The following ORC3 variants were observed in gnomAD, a reference collection of about 807,000 sequenced individuals.
ORC3 encodes the protein homolog of latheo, Drosophila.
A neutral mutation model predicts 100.7 loss-of-function variants in ORC3; 78 were observed. The observed-to-expected ratio is 0.77, with a 90% CI of 0.65 to 0.94. The LOEUF (loss-of-function observed/expected upper bound fraction) is 0.94, where lower values mean the gene tolerates loss of function less well. Among genes scored for constraint, ORC3 ranks in the 40% least tolerant of loss-of-function variants. ORC3 has a pLI of 0.00. For synonymous variants in ORC3, 295 were observed against 289.3 expected (o/e 1.02, Z -0.20); for missense variants, 789 against 823.9 (o/e 0.96, Z 0.52).
intron 16 of ORC3, among the ~76,000 whole-genome samples, chr6:87,660,142 A>C (rs796687684): frequency 6.6e-6 from 1 of 152,230 alleles, no homozygotes; most frequent in South Asian, 2.1e-4. Context: ...CTGAAATCAC[A>C]TCAGCCGTTT....
chr6:87,646,004 T>TTTTTTC (rs1554251608), intron 13 of ORC3, among the ~76,000 whole-genome samples: 1 of 149,728 alleles, frequency 6.7e-6, no homozygotes, highest in African/African-American at 2.5e-5. Context: ...TCTTTTTTTT[T>TTTTTTC]GAGGCGGAGT....
At chr6:87,592,008 G>C (rs1237071471) in intron 1 of ORC3, among the ~76,000 whole-genome samples, 2 of 152,184 alleles carry the variant, frequency 1.3e-5, no homozygotes, top group Non-Finnish European at 2.9e-5. Context: ...TAGGATTACA[G>C]GCGTGAGCCA....
At chr6:87,624,151 A>G (rs925346375) in intron 11 of ORC3, among the ~76,000 whole-genome samples, 1 of 152,152 alleles carries the variant, frequency 6.6e-6, no homozygotes, top group Non-Finnish European at 1.5e-5. Context: ...GCTGCAGGCT[A>G]CCTGCTGAAA....
At chr6:87,639,751 G>A (rs975709921) in intron 13 of ORC3, among the ~76,000 whole-genome samples, 1 of 151,686 alleles carries the variant, frequency 6.6e-6, no homozygotes, top group Admixed American at 6.6e-5. Context: ...AGGCCAAGGT[G>A]GGCGGATCAC....
At chr6:87,602,826 G>A (rs1463717059) in intron 3 of ORC3, among the ~76,000 whole-genome samples, 1 of 149,988 alleles carries the variant, frequency 6.7e-6, no homozygotes, top group African/African-American at 2.5e-5. Flanking sequence ...ATCCAATTAT[G>A]TCTTTACTTC....
At chr6:87,595,652 A>C (rs2128243651) in intron 2 of ORC3, among the ~76,000 whole-genome samples, 1 of 152,338 alleles carries the variant, frequency 6.6e-6, no homozygotes, top group Admixed American at 6.5e-5. Flanking sequence ...GGTCCCACAC[A>C]GTTCTCAATC....
At chr6:87,600,624 T>G (rs1163257235) in intron 2 of ORC3, among the ~76,000 whole-genome samples, 1 of 152,108 alleles carries the variant, frequency 6.6e-6, no homozygotes, top group African/African-American at 2.4e-5. Context: ...GAGAATAGGG[T>G]TGGATTCAGT....
At chr6:87,670,762 T>A (rs971164720), downstream of ORC3, among the ~76,000 whole-genome samples, 8 of 152,196 alleles carry the variant, frequency 5.3e-5, no homozygotes, top group Non-Finnish European at 1.2e-4. Flanking sequence ...AGGCACTGTA[T>A]GCCAGTGAGC....
intron 6 of ORC3, 104 bp from the exon 7 acceptor site, chr6:87,608,992 G>T: frequency 2.2e-6 from 2 of 909,100 alleles, no homozygotes; most frequent in Non-Finnish European, 3.2e-6. Flanking sequence ...AATAAACAGT[G>T]TTATTGTGAA....
At chr6:87,607,096 A>G (rs1443598840) in intron 5 of ORC3, among the ~76,000 whole-genome samples, 1 of 152,194 alleles carries the variant, frequency 6.6e-6, no homozygotes, top group Non-Finnish European at 1.5e-5. Context: ...TATAGTTTGC[A>G]TATCTACACA....
the ORC3 span, among the ~76,000 whole-genome samples, chr6:87,674,770 A>G: frequency 6.6e-6 from 1 of 151,202 alleles, no homozygotes; most frequent in East Asian, 1.9e-4. Flanking sequence ...CACCGCGCCC[A>G]GCAGAAGAAG....
At chr6:87,610,017 A>G (rs896650283) in intron 7 of ORC3, among the ~76,000 whole-genome samples, 5 of 152,188 alleles carry the variant, frequency 3.3e-5, no homozygotes, top group African/African-American at 7.2e-5. Flanking sequence ...TGCGTCTTCA[A>G]AGCAATCATG....
intron 7 of ORC3, among the ~76,000 whole-genome samples, chr6:87,610,194 T>C (rs1778637849): frequency 6.6e-6 from 1 of 152,094 alleles, no homozygotes; most frequent in Non-Finnish European, 1.5e-5. Context: ...TTAAATAATT[T>C]ACTAGTATAC....
chr6:87,595,693 A>G (rs1317253061), intron 2 of ORC3, among the ~76,000 whole-genome samples: 1 of 152,200 alleles, frequency 6.6e-6, no homozygotes, highest in African/African-American at 2.4e-5. Context: ...AATTTGTTAA[A>G]TTATTGAGTT....
chr6:87,642,052 T>C (rs1768300511), intron 13 of ORC3, among the ~76,000 whole-genome samples: 1 of 152,182 alleles, frequency 6.6e-6, no homozygotes, highest in Admixed American at 6.6e-5. Flanking sequence ...ATTAGAGCAC[T>C]TGGGAGGTCA....
chr6:87,609,086 G>A lies in ORC3; in HGVS notation c.580-10G>A. The A allele has an allele frequency of 6.3e-7, 1 of 1,590,154 alleles. No individual in the cohort carries two copies. Among genetic ancestry groups the A allele is most frequent in the Non-Finnish European group, 8.5e-7 (1 of 1,172,898 alleles). ...ACCTTTAACTCTTTCTTTCTGCAAT[G>A]GCTTAAAAGAAGACGGACCCAAAAA... On this transcript the variant is annotated splice_polypyrimidine_tract_variant and intron_variant, in intron 6 of 19. Transcript: ENST00000392844.
chr6:87,622,022 G>A lies in ORC3; in HGVS notation c.1185+9G>A, dbSNP rs1779572398. The A allele has an allele frequency of 3.2e-6, 5 of 1,574,884 alleles. No individual in the cohort carries two copies. The highest frequency in any genetic ancestry group is 1.3e-5 in the African/African-American group (1 of 74,082). Reference sequence around the variant, plus strand: ...ATGAGAGATATTTGAAGGTAGGAATGTGAATGTGTTTCAGTTTCATTCTCT... The same window carrying A: ...ATGAGAGATATTTGAAGGTAGGAATATGAATGTGTTTCAGTTTCATTCTCT... On this transcript the variant is annotated intron_variant, in intron 11 of 19. Transcript: ENST00000392844.
intron 10 of ORC3, 101 bp from the exon 11 acceptor site, chr6:87,621,849 A>G (rs1779554727): frequency 1.3e-6 from 1 of 772,166 alleles, no homozygotes; most frequent in Non-Finnish European, 2.2e-6. Flanking sequence ...AATGAAAAAA[A>G]TGTGGCTACC....
At chr6:87,616,782 G>A (rs537924966) in intron 9 of ORC3, among the ~76,000 whole-genome samples, 79 of 151,958 alleles carry the variant, frequency 5.2e-4, no homozygotes, top group African/African-American at 1.8e-3. Context: ...TTCTGTAAAG[G>A]GCCAGATATT....
Sources: allele counts gnomAD v4.1 joint callset (sites outside exome capture counted in the v4.1 genomes callset), GRCh38; gene constraint gnomAD v4.1.1; transcripts MANE v1.5; gene names NCBI Gene and HGNC (gene_info 2026-07-23, HGNC 2026-07-21).